SOX5: variants seen among roughly 807,000 people sequenced by gnomAD.
SOX5 encodes SRY-box transcription factor 5.
Under a neutral mutation model 92.0 loss-of-function variants are expected in SOX5, and 9 were observed. The observed-to-expected ratio is 0.10, with a 90% confidence interval of 0.06 to 0.17. SOX5 has a LOEUF of 0.17. Ranked by LOEUF, SOX5 falls within the 10% of genes least tolerant of loss-of-function variation. The pLI, the probability that SOX5 is intolerant of heterozygous loss-of-function variation, is 1.00. For synonymous variants in SOX5, 344 were observed against 336.3 expected (o/e 1.02, Z -0.25); for missense variants, 642 against 944.5 (o/e 0.68, Z 4.20).
At chr12:23,950,541 C>G (rs1288629116), upstream of SOX5, among the ~76,000 whole-genome samples, 1 of 152,094 alleles carries the variant, frequency 6.6e-6, no homozygotes, top group Non-Finnish European at 1.5e-5. Context: ...ATAACATACA[C>G]GAGCGAACAA....
chr12:24,401,674 C>T (rs572724784), intron 1 of SOX5, among the ~76,000 whole-genome samples: 95 of 143,758 alleles, frequency 6.6e-4, no homozygotes, highest in African/African-American at 2.3e-3. Context: ...AGCCACTTCG[C>T]TCCAGCCTGG....
chr12:24,199,055 G>A (rs759481490), intron 4 of SOX5, among the ~76,000 whole-genome samples: 9 of 152,118 alleles, frequency 5.9e-5, no homozygotes, highest in East Asian at 1.9e-4. Context: ...CTTTTCATCC[G>A]AATGGTGTGA....
At chr12:23,567,055 C>A (rs1247168605) in intron 10 of SOX5, among the ~76,000 whole-genome samples, 1 of 152,228 alleles carries the variant, frequency 6.6e-6, no homozygotes, top group African/African-American at 2.4e-5. Flanking sequence ...TTTACACTTT[C>A]ATTTTCCCTA....
chr12:24,083,941 C>A (rs148101194), intron 4 of SOX5, among the ~76,000 whole-genome samples: 1 of 151,648 alleles, frequency 6.6e-6, no homozygotes, highest in Non-Finnish European at 1.5e-5. Context: ...TCGTGTGGGA[C>A]GAGATAGAGA....
At chr12:23,891,012 C>A (rs958868811) in intron 2 of SOX5, among the ~76,000 whole-genome samples, 4 of 152,130 alleles carry the variant, frequency 2.6e-5, no homozygotes, top group Admixed American at 1.3e-4. Flanking sequence ...AGAGAAGGAA[C>A]CAACAGAATC....
intron 1 of SOX5, among the ~76,000 whole-genome samples, chr12:24,374,106 G>T (rs547738239): frequency 6.6e-6 from 1 of 152,196 alleles, no homozygotes; most frequent in African/African-American, 2.4e-5. Context: ...AGAATATTGG[G>T]CAAAGAAAGA....
intron 4 of SOX5, among the ~76,000 whole-genome samples, chr12:23,969,030 A>G (rs1947922084): frequency 6.6e-6 from 1 of 152,044 alleles, no homozygotes; most frequent in Non-Finnish European, 1.5e-5. Flanking sequence ...TAAACTCATC[A>G]CCTCTCTACC....
intron 4 of SOX5, among the ~76,000 whole-genome samples, chr12:24,078,212 A>G (rs78214014): frequency 0.041 from 6,163 of 152,118 alleles, 137 homozygotes; most frequent in Middle Eastern, 0.065. Context: ...TTTTAAAAAC[A>G]GTTTTAAAAA....
chr12:24,323,172 A>G (rs1307673342), intron 2 of SOX5, among the ~76,000 whole-genome samples: 1 of 152,010 alleles, frequency 6.6e-6, no homozygotes. Context: ...AAGCCTTAAA[A>G]TGATTTTGAT....
rs1954271189 is a variant in SOX5 at position 24,560,904 on chromosome 12, C to CTG, written c.-251+1423_-251+1424dup. On this transcript the variant is annotated intron_variant, in intron 1 of 4. Coordinates refer to the SOX5 transcript ENST00000446891. ...GCCTACTTCATTGGCCTGTTTGTGT[C>CTG]TGTGTGTGTGTTTTCAGGGTACTAG... 3.3e-5 allele frequency among the ~76,000 whole-genome samples: 5 copies of CTG among 152,284 alleles called. No homozygotes were observed. The South Asian group carries it at 8.3e-4, about 25-fold the overall frequency.
intron 2 of SOX5, among the ~76,000 whole-genome samples, chr12:23,850,233 G>A (rs1286036699): frequency 1.3e-5 from 2 of 151,776 alleles, no homozygotes; most frequent in Non-Finnish European, 1.5e-5. Flanking sequence ...GATCGAGACT[G>A]TCCTGGCCAA....
intron 3 of SOX5, among the ~76,000 whole-genome samples, chr12:23,758,496 C>A (rs2094469270): frequency 6.6e-6 from 1 of 151,734 alleles, no homozygotes; most frequent in Non-Finnish European, 1.5e-5. Context: ...AGGTCCTTCA[C>A]ATGTGGTATC....
intron 4 of SOX5, among the ~76,000 whole-genome samples, chr12:24,180,744 T>C (rs998677671): frequency 6.6e-6 from 1 of 152,252 alleles, no homozygotes; most frequent in Admixed American, 6.5e-5. Context: ...ACAAAATATA[T>C]TCAAAATTAT....
intron 4 of SOX5, among the ~76,000 whole-genome samples, chr12:23,992,660 T>C (rs760187119): frequency 2.6e-5 from 4 of 152,208 alleles, no homozygotes; most frequent in South Asian, 2.1e-4. Context: ...CATGTATAGA[T>C]GACCATTCAA....
chr12:24,006,026 G>A lies in SOX5; in HGVS notation c.-1-110002C>T, dbSNP rs111892785. The stretch of plus-strand genomic sequence containing the variant: ...CATTGATACCCAATCTTATTCATTC[G>A]TTCAGCTAGGTTTATCACTGGCTAA... On this transcript the variant is annotated intron_variant, in intron 4 of 4. Transcript: ENST00000446891. Among the ~76,000 whole-genome samples, 10 of 152,174 alleles carry A rather than the reference G, an allele frequency of 6.6e-5. 1 individual carries two copies. The highest frequency in any genetic ancestry group is 2.2e-4 in the African/African-American group (9 of 41,524).
rs188769374 is a variant in SOX5, at chr12:24,488,768, C to T, written c.-251+73561G>A. 2.2e-3 allele frequency among the ~76,000 whole-genome samples: 339 copies of T among 152,224 alleles called. 1 individual carries two copies. The highest frequency in any genetic ancestry group is 0.014 in the Middle Eastern group (4 of 294). On this transcript the variant is annotated intron_variant, in intron 1 of 4. Coordinates refer to the SOX5 transcript ENST00000446891. ...TCTTACCCAGACTCTTAAAACCATC[C>T]AGTCTAGATAATCAAAGCCAGATTG...
chr12:24,234,634 T>G (rs544327644), intron 3 of SOX5, among the ~76,000 whole-genome samples: 198 of 152,270 alleles, frequency 1.3e-3, no homozygotes, highest in African/African-American at 4.6e-3. Flanking sequence ...CACCTCAGCC[T>G]CCCAAAGTGC....
chr12:23,707,051 A>C (rs1279506336), intron 6 of SOX5, among the ~76,000 whole-genome samples: 3 of 152,158 alleles, frequency 2.0e-5, no homozygotes, highest in Admixed American at 2.0e-4. Flanking sequence ...AATGATCAAT[A>C]ATAATAAACT....
chr12:24,263,476 C>T (rs544786041), intron 3 of SOX5, among the ~76,000 whole-genome samples: 246 of 128,852 alleles, frequency 1.9e-3, no homozygotes, highest in African/African-American at 6.4e-3. Flanking sequence ...TGCAGCGAAC[C>T]GAGGCCGTGT....
Sources: allele counts gnomAD v4.1 joint callset (sites outside exome capture counted in the v4.1 genomes callset), GRCh38; gene constraint gnomAD v4.1.1; transcripts MANE v1.5; gene names NCBI Gene and HGNC (gene_info 2026-07-23, HGNC 2026-07-21).